Variants in SEMA3C observed in about 807,000 individuals in gnomAD.
SEMA3C encodes the protein semaphorin 3C, also known as semaphorin-3C.
SEMA3C carries 47 observed loss-of-function variants against 89.4 expected under a neutral mutation model. The observed-to-expected ratio is 0.53, with a 90% CI of 0.42 to 0.67. SEMA3C has a LOEUF of 0.67. SEMA3C is among the 30% of genes least tolerant of loss of function. SEMA3C has a pLI of 0.00. For synonymous variants in SEMA3C, 310 were observed against 320.2 expected, an observed-to-expected ratio of 0.97 and a Z score of 0.34; for missense variants, 839 against 929.1, an observed-to-expected ratio of 0.90 and a Z score of 1.26.
At position 80,818,419 on chromosome 7, in the gene SEMA3C, C is replaced by T. The variant is rs144068842; in HGVS notation, c.328-1G>A. ...CACGGACAAAGTTCCCACAGCCGTG[C>T]TAAAAGAATCAGTAAATAAGCAGTT... On this transcript the variant is annotated splice_acceptor_variant, in intron 4 of 17. Coordinates refer to ENST00000265361, the MANE Select transcript of SEMA3C (RefSeq NM_006379.5). LOFTEE classifies it high-confidence loss of function. 4 of 1,611,432 alleles carry T rather than the reference C, an allele frequency of 2.5e-6. No homozygotes were observed. Among genetic ancestry groups the T allele is most frequent in the Non-Finnish European group, 3.4e-6 (4 of 1,178,088 alleles).
chr7:80,920,427 A>G (rs571073646), upstream of SEMA3C, among the ~76,000 whole-genome samples: 54 of 152,306 alleles, frequency 3.5e-4, no homozygotes, highest in Non-Finnish European at 6.3e-4. Flanking sequence ...TATCATAGAA[A>G]ACCCCTCTGG....
At chr7:80,780,355 G>A (rs1177794240) in intron 12 of SEMA3C, among the ~76,000 whole-genome samples, 1 of 152,122 alleles carries the variant, frequency 6.6e-6, no homozygotes, top group East Asian at 1.9e-4. Context: ...TGACATCTTT[G>A]TGATATATTA....
At chr7:80,919,586 T>C (rs2116273277), upstream of SEMA3C, among the ~76,000 whole-genome samples, 1 of 152,042 alleles carries the variant, frequency 6.6e-6, no homozygotes, top group South Asian at 2.1e-4. Context: ...TGTTTTTTGT[T>C]TTTTGTTTTG....
intron 16 of SEMA3C, among the ~76,000 whole-genome samples, chr7:80,750,473 T>TATATATATACACACACAC (rs869227686): frequency 2.4e-3 from 132 of 55,296 alleles, no homozygotes; most frequent in Non-Finnish European, 4.0e-3. Context: ...TATATATATA[T>TATATATATACACACACAC]ACACACACAC....
At chr7:80,818,128 G>C (rs776391549) in intron 5 of SEMA3C, among the ~76,000 whole-genome samples, 171 bp downstream of exon 5, 1 of 151,810 alleles carries the variant, frequency 6.6e-6, no homozygotes, top group South Asian at 2.1e-4. Context: ...AAGGCAAAAG[G>C]TGATACTTCA....
chr7:80,748,296 T>C (rs776666257), intron 17 of SEMA3C, among the ~76,000 whole-genome samples: 19 of 152,176 alleles, frequency 1.2e-4, no homozygotes, highest in Admixed American at 2.0e-4. Flanking sequence ...CCCAGCTCTT[T>C]CTAATCCACG....
At chr7:80,870,725 T>G (rs1036855303) in intron 2 of SEMA3C, among the ~76,000 whole-genome samples, 1 of 151,944 alleles carries the variant, frequency 6.6e-6, no homozygotes, top group East Asian at 1.9e-4. Flanking sequence ...AGCATGGGGG[T>G]TTAGCACCAG....
intron 2 of SEMA3C, 37 bp downstream of exon 2, chr7:80,916,642 A>G: frequency 6.4e-7 from 1 of 1,571,790 alleles, no homozygotes; most frequent in Non-Finnish European, 8.6e-7. Flanking sequence ...AAAACTTAAA[A>G]TAACATTTTT....
At chr7:80,919,481 A>G (rs1792366851), upstream of SEMA3C, 3 of 680,034 alleles carry the variant, frequency 4.4e-6, no homozygotes, top group Non-Finnish European at 5.4e-6. Flanking sequence ...TATTTTTGCC[A>G]GGGAAGGATC....
chr7:80,857,358 C>T (rs1790666026), intron 2 of SEMA3C, among the ~76,000 whole-genome samples: 1 of 152,040 alleles, frequency 6.6e-6, no homozygotes. Flanking sequence ...CAAATTAATA[C>T]TGTGTAAGAA....
chr7:80,810,777 A>G (rs1410380724), intron 5 of SEMA3C, 76 bp from the exon 6 acceptor site: 1 of 1,128,378 alleles, frequency 8.9e-7, no homozygotes, highest in Admixed American at 1.8e-5. Flanking sequence ...AGTAAAACAA[A>G]GCATCATTAA....
chr7:80,879,776 G>A (rs1791290892), intron 2 of SEMA3C, among the ~76,000 whole-genome samples: 1 of 152,062 alleles, frequency 6.6e-6, no homozygotes, highest in Non-Finnish European at 1.5e-5. Context: ...CACCAACATA[G>A]AATAAGCATA....
chr7:80,748,924 G>A lies in SEMA3C; in HGVS notation c.1816C>T (p.Gln606Ter), dbSNP rs557931063. The A allele has an allele frequency of 6.2e-7, 1 of 1,612,566 alleles. No individual in the cohort carries two copies. The highest frequency in any genetic ancestry group is 1.3e-5 in the African/African-American group (1 of 74,884). The change falls in exon 17 of 18, where the codon CAG becomes TAG. Residue 606 changes from glutamine to a stop codon, truncating the protein, a stop_gained. Transcript: ENST00000265361. LOFTEE classifies it high-confidence loss of function. ...TCTTTCCTCCTGTCTTTGTCTTTCTGTAACAGCCACTTGATAGATGCCTGC... is the reference window on the plus strand; with the variant it reads ...TCTTTCCTCCTGTCTTTGTCTTTCTATAACAGCCACTTGATAGATGCCTGC... ...SPQASIKWLLQKDKDRRKEVK... is the reference protein window; with the variant it reads ...SPQASIKWLL
intron 12 of SEMA3C, among the ~76,000 whole-genome samples, chr7:80,783,886 T>G (rs1232526172): frequency 6.6e-6 from 1 of 152,184 alleles, no homozygotes; most frequent in African/African-American, 2.4e-5. Context: ...ATAAGAAGCA[T>G]GAAACAGTAT....
rs140644510 is a variant in SEMA3C, at chr7:80,872,394, C to T, written c.104-43649G>A. 7.6e-3 allele frequency among the ~76,000 whole-genome samples: 1,156 copies of T among 152,190 alleles called. 56 individuals carry two copies. The East Asian group carries it at 0.13, about 17-fold the overall frequency. ...TCTCAAACTCCTGACCTCAGGTGAA[C>T]CATCCACCTCAGCCTCCCAAAGTGC... On this transcript the variant is annotated intron_variant, in intron 2 of 17. Transcript: ENST00000265361.
chr7:80,913,306 C>T, intron 2 of SEMA3C, among the ~76,000 whole-genome samples: 1 of 152,062 alleles, frequency 6.6e-6, no homozygotes, highest in East Asian at 1.9e-4. Flanking sequence ...GAGGCTGAGG[C>T]AGGACAATTG....
chr7:80,816,234 A>G (rs1371856694), intron 5 of SEMA3C: 1 of 152,200 alleles, frequency 6.6e-6, no homozygotes, highest in East Asian at 1.9e-4. Flanking sequence ...CCTAGAACCA[A>G]TGAATATCTA....
chr7:80,755,943 G>A (rs1407617904), intron 15 of SEMA3C, among the ~76,000 whole-genome samples: 3 of 151,972 alleles, frequency 2.0e-5, no homozygotes, highest in Non-Finnish European at 4.4e-5. Context: ...CCTCACTAGC[G>A]CCCAAATTAA....
intron 2 of SEMA3C, among the ~76,000 whole-genome samples, chr7:80,909,764 C>G (rs925865225): frequency 6.6e-6 from 1 of 152,040 alleles, no homozygotes; most frequent in Non-Finnish European, 1.5e-5. Context: ...GAAGGAAAGA[C>G]AAGACTAGTA....
Sources: allele counts gnomAD v4.1 joint callset (sites outside exome capture counted in the v4.1 genomes callset), GRCh38; gene constraint gnomAD v4.1.1; transcripts MANE v1.5; gene names NCBI Gene and HGNC (gene_info 2026-07-23, HGNC 2026-07-21).